Variants in KIF26B observed in about 807,000 individuals in gnomAD.
KIF26B encodes the protein kinesin-like protein KIF26B.
Under a neutral mutation model 151.2 loss-of-function variants are expected in KIF26B, and 63 were observed. The ratio of observed to expected loss-of-function variants is 0.42; its 90% CI spans 0.34 to 0.51. KIF26B has a LOEUF of 0.51. Among genes scored for constraint, KIF26B ranks in the 20% least tolerant of loss-of-function variants. KIF26B has a pLI of 0.07. For synonymous variants in KIF26B, 1,357 were observed against 1,262.1 expected (o/e 1.08, Z -1.59); for missense variants, 2,813 against 2,913.6 (o/e 0.97, Z 0.79).
At chr1:245,443,811 G>A (rs867090426) in intron 4 of KIF26B, among the ~76,000 whole-genome samples, 4 of 58,180 alleles carry the variant, frequency 6.9e-5, no homozygotes, top group African/African-American at 1.3e-4. Context: ...TTCACCCTGC[G>A]GTCATCTCCC....
intron 5 of KIF26B, among the ~76,000 whole-genome samples, chr1:245,556,181 G>A (rs1233346789): frequency 6.6e-6 from 1 of 151,954 alleles, no homozygotes; most frequent in Non-Finnish European, 1.5e-5. Context: ...GAACAAAAAT[G>A]CCCAAATTTT....
At chr1:245,621,685 C>T (rs1171956058) in intron 9 of KIF26B, among the ~76,000 whole-genome samples, 1 of 152,224 alleles carries the variant, frequency 6.6e-6, no homozygotes, top group Non-Finnish European at 1.5e-5. Flanking sequence ...TGTTCATTTG[C>T]TGTGTAACTA....
intron 2 of KIF26B, among the ~76,000 whole-genome samples, chr1:245,253,800 C>CTTT (rs5782330): frequency 2.6e-4 from 19 of 72,174 alleles, no homozygotes; most frequent in Non-Finnish European, 4.3e-4. Context: ...TGAAGTCCTG[C>CTTT]TTTTTTTTTT....
At chr1:245,660,938 C>T (rs2044129347) in intron 10 of KIF26B, among the ~76,000 whole-genome samples, 1 of 151,794 alleles carries the variant, frequency 6.6e-6, no homozygotes, top group Admixed American at 6.6e-5. Context: ...GCCTCAACCT[C>T]CTGTAGCTGG....
intron 3 of KIF26B, among the ~76,000 whole-genome samples, chr1:245,376,295 G>A (rs1054321111): frequency 1.6e-4 from 25 of 152,142 alleles, no homozygotes; most frequent in Admixed American, 1.6e-3. Flanking sequence ...GTGTTTGCTG[G>A]TATCACGTTT....
intron 2 of KIF26B, among the ~76,000 whole-genome samples, chr1:245,272,614 GTTGT>G (rs973876578): frequency 6.6e-6 from 1 of 151,366 alleles, no homozygotes; most frequent in Non-Finnish European, 1.5e-5. Context: ...ATAAAGTTGG[GTTGT>G]TTATTTGAGA....
intron 2 of KIF26B, among the ~76,000 whole-genome samples, chr1:245,284,895 C>T (rs868344895): frequency 4.6e-5 from 7 of 152,198 alleles, no homozygotes; most frequent in East Asian, 3.9e-4. Context: ...CAAAATTAGC[C>T]GGGCGTGGTG....
At position 245,486,763 on chromosome 1, in the gene KIF26B, C is replaced by T. The variant is rs549756014; in HGVS notation, c.1167-54004C>T. On this transcript the variant is annotated intron_variant, in intron 4 of 14. Coordinates refer to ENST00000407071, the MANE Select transcript of KIF26B (RefSeq NM_018012.4). ...ACAGCTCACTGCAGCCTCGGCCTCC[C>T]AGGCTCAAGCCATCCTCTCGCCTCA... 5.9e-5 allele frequency among the ~76,000 whole-genome samples: 9 copies of T among 152,246 alleles called. No homozygotes were observed. In the East Asian group the frequency reaches 1.7e-3, roughly 29 times the overall value.
At chr1:245,194,399 A>T (rs898419994) in intron 2 of KIF26B, among the ~76,000 whole-genome samples, 7 of 150,778 alleles carry the variant, frequency 4.6e-5, no homozygotes, top group Admixed American at 4.0e-4. Context: ...AAACAAAATA[A>T]TTTTTTTTTT....
At chr1:245,193,166 GT>G (rs1669138794) in intron 2 of KIF26B, among the ~76,000 whole-genome samples, 1 of 152,186 alleles carries the variant, frequency 6.6e-6, no homozygotes, top group Non-Finnish European at 1.5e-5. Context: ...TCCTGTGTTA[GT>G]TTGCTTAGGA....
Position 245,701,636 on chromosome 1 carries a change from TCA to T in KIF26B, c.6179-821_6179-820del, listed in dbSNP as rs200155970. Among the ~76,000 whole-genome samples, 321 of 152,326 alleles carry T rather than the reference TCA, an allele frequency of 2.1e-3. 3 individuals are homozygous for T. Among genetic ancestry groups the T allele is most frequent in the African/African-American group, 7.3e-3 (304 of 41,584 alleles). On this transcript the variant is annotated intron_variant, in intron 14 of 14. Coordinates refer to ENST00000407071, the MANE Select transcript of KIF26B (RefSeq NM_018012.4). ...AATCAAGTTCGTGTTCATTATTATCTCATTTTATTCTTCACAGCAACTCAAGG... is the reference window on the plus strand; with the variant it reads ...AATCAAGTTCGTGTTCATTATTATCTTTTTATTCTTCACAGCAACTCAAGG...
chr1:245,538,671 A>C (rs953138080), intron 4 of KIF26B, among the ~76,000 whole-genome samples: 2 of 152,106 alleles, frequency 1.3e-5, no homozygotes, highest in Non-Finnish European at 2.9e-5. Flanking sequence ...GGGGAGTGGG[A>C]ACCATAGCCA....
chr1:245,308,331 G>A (rs1264053024), intron 2 of KIF26B, among the ~76,000 whole-genome samples: 3 of 152,168 alleles, frequency 2.0e-5, no homozygotes, highest in Non-Finnish European at 4.4e-5. Context: ...AAATTTAACA[G>A]GCTATCAAAG....
chr1:245,684,694 A>G (rs56382371), intron 11 of KIF26B, among the ~76,000 whole-genome samples: 5 of 152,156 alleles, frequency 3.3e-5, no homozygotes, highest in African/African-American at 7.2e-5. Flanking sequence ...CAAGAGGAAA[A>G]ACGTTGGAGG....
Position 245,241,781 on chromosome 1 carries a change from T to G in KIF26B, c.465+85098T>G, listed in dbSNP as rs1466526819. Among the ~76,000 whole-genome samples the G allele has an allele frequency of 6.6e-6, 1 of 152,192 alleles. No individual in the cohort carries two copies. Among genetic ancestry groups the G allele is most frequent in the Admixed American group, 6.5e-5 (1 of 15,274 alleles). On this transcript the variant is annotated intron_variant, in intron 2 of 14. Transcript: ENST00000407071. This position sits in a 1 kb window ranked among gnomAD's most constrained non-coding sequence, Gnocchi z 5.0. ...TCACAGCGGCAGCGGGAGCACTGGG[T>G]GCAGCCTCTGGAAGGTCTGGAAGGT...
intron 3 of KIF26B, among the ~76,000 whole-genome samples, chr1:245,396,766 A>G (rs1286081093): frequency 6.6e-6 from 1 of 152,228 alleles, no homozygotes; most frequent in Non-Finnish European, 1.5e-5. Context: ...ACTGCCCTAC[A>G]CAAGACATCT....
intron 2 of KIF26B, among the ~76,000 whole-genome samples, chr1:245,284,412 A>G (rs542997105): frequency 1.3e-5 from 2 of 152,246 alleles, no homozygotes; most frequent in South Asian, 4.1e-4. Context: ...CCTCCTACAA[A>G]TACATTTTGG....
intron 2 of KIF26B, among the ~76,000 whole-genome samples, chr1:245,267,938 C>G (rs1405363524): frequency 6.6e-6 from 1 of 152,120 alleles, no homozygotes; most frequent in Non-Finnish European, 1.5e-5. Flanking sequence ...TATAGCCCAG[C>G]TTTTTATTGC....
intron 5 of KIF26B, among the ~76,000 whole-genome samples, chr1:245,542,261 G>A (rs1661641389): frequency 6.6e-6 from 1 of 152,236 alleles, no homozygotes; most frequent in Admixed American, 6.5e-5. Flanking sequence ...GCTAAGGAGG[G>A]AGGATCACTT....
Sources: allele counts gnomAD v4.1 joint callset (sites outside exome capture counted in the v4.1 genomes callset), GRCh38; gene constraint gnomAD v4.1.1; non-coding constraint Gnocchi (gnomAD v3.1); transcripts MANE v1.5; gene names NCBI Gene and HGNC (gene_info 2026-07-23, HGNC 2026-07-21).